The following MARCHF1 variants were observed in gnomAD, a reference collection of about 807,000 sequenced individuals.
The protein encoded by MARCHF1 is E3 ubiquitin-protein ligase MARCHF1.
A neutral mutation model predicts 54.2 loss-of-function variants in MARCHF1; 40 were observed. That is an observed-to-expected ratio of 0.74 (90% CI 0.57 to 0.96). The LOEUF (loss-of-function observed/expected upper bound fraction) is 0.96, where lower values mean the gene tolerates loss of function less well. Ranked by LOEUF, MARCHF1 falls within the 40% of genes least tolerant of loss-of-function variation. The pLI is 0.00. For synonymous variants in MARCHF1, 236 were observed against 236.3 expected, an observed-to-expected ratio of 1.00 and a Z score of 0.01; for missense variants, 586 against 656.5, an observed-to-expected ratio of 0.89 and a Z score of 1.17.
intron 1 of MARCHF1, among the ~76,000 whole-genome samples, chr4:164,281,302 GA>G (rs1374410458): frequency 6.6e-6 from 1 of 152,096 alleles, no homozygotes; most frequent in Non-Finnish European, 1.5e-5. Context: ...TCTAGGGTTG[GA>G]TATACAAATC....
At chr4:163,726,619 A>T (rs1315850001) in intron 4 of MARCHF1, among the ~76,000 whole-genome samples, 1 of 152,188 alleles carries the variant, frequency 6.6e-6, no homozygotes, top group Non-Finnish European at 1.5e-5. Flanking sequence ...ATTTGGGTGA[A>T]TCCAAAGAAG....
At chr4:163,894,171 T>C (rs1162000727) in intron 3 of MARCHF1, among the ~76,000 whole-genome samples, 2 of 152,142 alleles carry the variant, frequency 1.3e-5, no homozygotes, top group Non-Finnish European at 1.5e-5. Flanking sequence ...ACCTAATTTG[T>C]GTCATCCTTC....
At chr4:164,158,613 G>C (rs28592085) in intron 1 of MARCHF1, among the ~76,000 whole-genome samples, 1,987 of 152,088 alleles carry the variant, frequency 0.013, 39 homozygotes, top group African/African-American at 0.042. Flanking sequence ...TGCACTCCAG[G>C]CTGGGTGACA....
rs527618904 is a variant in MARCHF1, at chr4:163,760,928, C to T, written c.112-60065G>A. 2.6e-5 allele frequency among the ~76,000 whole-genome samples: 4 copies of T among 152,256 alleles called. No homozygotes were observed. In the South Asian group the frequency reaches 6.2e-4, roughly 24 times the overall value. ...TAAATGGGTATGAAGTTACATTTTG[C>T]TTGTTGAGATTGTAACATCACGATT... On this transcript the variant is annotated intron_variant, in intron 4 of 9. Coordinates refer to ENST00000514618, the MANE Select transcript of MARCHF1 (RefSeq NM_001394959.1).
At chr4:163,993,306 TATTGGAATCC>T in intron 2 of MARCHF1, among the ~76,000 whole-genome samples, 1 of 152,292 alleles carries the variant, frequency 6.6e-6, no homozygotes, top group Admixed American at 6.5e-5. Context: ...TTTGTCTGAT[TATTGGAATCC>T]AATTGTGACT....
intron 4 of MARCHF1, among the ~76,000 whole-genome samples, chr4:163,721,100 T>C (rs1561038716): frequency 6.6e-6 from 1 of 152,232 alleles, no homozygotes; most frequent in Non-Finnish European, 1.5e-5. Context: ...CATCCCTGTA[T>C]TGTGCCGGTT....
At chr4:163,721,254 G>T (rs948400642) in intron 4 of MARCHF1, among the ~76,000 whole-genome samples, 1 of 152,124 alleles carries the variant, frequency 6.6e-6, no homozygotes, top group African/African-American at 2.4e-5. Flanking sequence ...GTTGAATTTT[G>T]TCAAAGGTCT....
intron 3 of MARCHF1, among the ~76,000 whole-genome samples, chr4:163,980,110 C>CA (rs1372914648): frequency 6.8e-6 from 1 of 146,080 alleles, no homozygotes; most frequent in Non-Finnish European, 1.5e-5. Context: ...TACCTGACTT[C>CA]AAACTTTACT....
At chr4:163,673,845 A>C (rs917058141) in intron 5 of MARCHF1, among the ~76,000 whole-genome samples, 18 of 152,202 alleles carry the variant, frequency 1.2e-4, no homozygotes, top group Non-Finnish European at 2.1e-4. Flanking sequence ...CCCCAAAATC[A>C]AAACTGCCAG....
intron 5 of MARCHF1, among the ~76,000 whole-genome samples, chr4:163,615,248 C>T (rs1741474231): frequency 6.6e-6 from 1 of 152,012 alleles, no homozygotes; most frequent in Non-Finnish European, 1.5e-5. Context: ...GGTAACGATC[C>T]AGCTAATCTT....
At chr4:164,017,047 A>G (rs1753558282) in intron 2 of MARCHF1, among the ~76,000 whole-genome samples, 1 of 152,264 alleles carries the variant, frequency 6.6e-6, no homozygotes, top group African/African-American at 2.4e-5. Flanking sequence ...CTTGAAAATC[A>G]TAATACATCA....
chr4:164,331,509 T>C (rs945740557), intron 1 of MARCHF1, among the ~76,000 whole-genome samples: 1 of 152,234 alleles, frequency 6.6e-6, no homozygotes, highest in Admixed American at 6.5e-5. Flanking sequence ...TTTGTATGCA[T>C]ATATGCATGT....
chr4:164,348,409 AT>A (rs2110871874), intron 1 of MARCHF1, among the ~76,000 whole-genome samples: 1 of 152,304 alleles, frequency 6.6e-6, no homozygotes, highest in African/African-American at 2.4e-5. Flanking sequence ...GAATGTTGGA[AT>A]TTATCTAATC....
intron 5 of MARCHF1, among the ~76,000 whole-genome samples, chr4:163,699,128 C>T (rs1744726370): frequency 6.6e-6 from 1 of 152,192 alleles, no homozygotes; most frequent in Admixed American, 6.5e-5. Context: ...CAGTAGGGCA[C>T]ATTGCCTCTC....
intron 2 of MARCHF1, among the ~76,000 whole-genome samples, chr4:164,088,670 C>T (rs543834124): frequency 1.0e-3 from 157 of 152,084 alleles, no homozygotes; most frequent in Non-Finnish European, 1.5e-3. Context: ...CCCCAGGAGG[C>T]TGAAGCTGGA....
chr4:163,745,329 G>A (rs1746326432), intron 4 of MARCHF1, among the ~76,000 whole-genome samples: 3 of 151,958 alleles, frequency 2.0e-5, no homozygotes, highest in Admixed American at 6.5e-5. Context: ...TGTCCATGCT[G>A]ATCTTGAACT....
chr4:163,953,921 T>C (rs1752183157), intron 3 of MARCHF1, among the ~76,000 whole-genome samples: 1 of 152,182 alleles, frequency 6.6e-6, no homozygotes, highest in African/African-American at 2.4e-5. Context: ...ATTTATTATC[T>C]GGCCTTTTAC....
intron 7 of MARCHF1, among the ~76,000 whole-genome samples, chr4:163,600,568 T>A (rs1021747786): frequency 1.4e-4 from 21 of 152,210 alleles, no homozygotes; most frequent in African/African-American, 5.1e-4. Context: ...ACAGTCTATA[T>A]GGCTTCTATT....
chr4:164,274,384 G>T (rs1733819101), intron 1 of MARCHF1, among the ~76,000 whole-genome samples: 1 of 150,340 alleles, frequency 6.7e-6, no homozygotes, highest in Non-Finnish European at 1.5e-5. Flanking sequence ...GTTTCTGAAT[G>T]ATTAACAAGG....
Sources: allele counts gnomAD v4.1 joint callset (sites outside exome capture counted in the v4.1 genomes callset), GRCh38; gene constraint gnomAD v4.1.1; transcripts MANE v1.5; gene names NCBI Gene and HGNC (gene_info 2026-07-23, HGNC 2026-07-21).